Variants in TBPL1 observed in about 807,000 individuals in gnomAD.
The protein encoded by TBPL1 is TATA-box binding protein like 1.
Under a neutral mutation model 22.1 loss-of-function variants are expected in TBPL1, and 4 were observed. That is an observed-to-expected ratio of 0.18 (90% CI 0.09 to 0.41). The LOEUF (loss-of-function observed/expected upper bound fraction) is 0.41. TBPL1 is among the 10% of genes least tolerant of loss of function. The pLI is 1.00. For synonymous variants in TBPL1, 64 were observed against 71.0 expected (o/e 0.90, Z 0.50); for missense variants, 115 against 222.3 (o/e 0.52, Z 3.07).
upstream of TBPL1, chr6:133,952,808 G>T (rs536872115): frequency 2.6e-5 from 4 of 152,298 alleles, no homozygotes; most frequent in Non-Finnish European, 4.4e-5. The surrounding 1 kb of genome is among the most constrained non-coding windows in gnomAD (Gnocchi z 4.5). Flanking sequence ...TGATGAGAAA[G>T]TTCTACGGTT....
intron 1 of TBPL1, among the ~76,000 whole-genome samples, chr6:133,954,483 TCA>T (rs768423746): frequency 1.3e-5 from 2 of 152,214 alleles, no homozygotes; most frequent in Non-Finnish European, 2.9e-5. Context: ...AAAGGATTAT[TCA>T]CAGTTTGGTA....
chr6:133,976,716 G>A (rs896919005), intron 1 of TBPL1, among the ~76,000 whole-genome samples: 17 of 152,202 alleles, frequency 1.1e-4, no homozygotes, highest in African/African-American at 2.6e-4. Context: ...TCGGCCTGGC[G>A]CGGTGGCCCA....
chr6:133,964,077 T>C (rs2114336463), intron 1 of TBPL1, among the ~76,000 whole-genome samples: 1 of 152,180 alleles, frequency 6.6e-6, no homozygotes, highest in African/African-American at 2.4e-5. Flanking sequence ...GAAAACTTCC[T>C]TATCACTCTT....
intron 1 of TBPL1, among the ~76,000 whole-genome samples, chr6:133,958,314 G>C (rs1775961812): frequency 2.6e-5 from 4 of 152,168 alleles, no homozygotes; most frequent in African/African-American, 9.7e-5. Context: ...TTAGTTGATG[G>C]TAAACTTGAA....
chr6:133,953,875 C>T (rs889949797), intron 1 of TBPL1, among the ~76,000 whole-genome samples: 16 of 152,178 alleles, frequency 1.1e-4, no homozygotes, highest in Admixed American at 1.0e-3. Flanking sequence ...AGCGGCTTCT[C>T]TAATAGCTCC....
chr6:133,983,635 C>T (rs985531614), intron 4 of TBPL1, among the ~76,000 whole-genome samples: 3 of 152,040 alleles, frequency 2.0e-5, no homozygotes, highest in Non-Finnish European at 4.4e-5. Context: ...TGCCACTTTG[C>T]GGTTTCCTGG....
At chr6:133,986,695 T>G (rs188286176) in intron 6 of TBPL1, among the ~76,000 whole-genome samples, 2 of 152,318 alleles carry the variant, frequency 1.3e-5, no homozygotes, top group Admixed American at 6.5e-5. Flanking sequence ...GTGCTTTTTA[T>G]ATTAGTCCAT....
intron 1 of TBPL1, among the ~76,000 whole-genome samples, chr6:133,966,258 C>G (rs551636639): frequency 2.0e-5 from 3 of 152,134 alleles, no homozygotes; most frequent in Non-Finnish European, 4.4e-5. Context: ...AAGATTTGAT[C>G]ATGCTTCTGA....
rs1218480734 is a variant in TBPL1, at chr6:133,987,152, T to G, written c.*112T>G. ...TAATTGAGGAAATAGACTCTTTTAT[T>G]CATTCACGGCTACAGTGTAAGCTCC... On this transcript the variant is annotated 3_prime_UTR_variant, in exon 7 of 7. Coordinates refer to ENST00000237264, the MANE Select transcript of TBPL1 (RefSeq NM_004865.4). The G allele has an allele frequency of 1.6e-6, 1 of 634,868 alleles. No individual in the cohort carries two copies. The highest frequency in any genetic ancestry group is 3.0e-5 in the East Asian group (1 of 33,366). 39.3% of individuals were successfully genotyped at this position (634,868 alleles called of 1,614,324 possible). A position where few individuals can be genotyped will look rare whatever the true frequency, so the allele number is the denominator to read the frequency against.
intron 6 of TBPL1, among the ~76,000 whole-genome samples, chr6:133,985,045 T>A (rs1229285119): frequency 6.6e-6 from 1 of 151,690 alleles, no homozygotes; most frequent in Non-Finnish European, 1.5e-5. Context: ...CTTGGAAGGC[T>A]GAGGCGGGCT....
At chr6:133,957,199 G>A (rs898441115) in intron 1 of TBPL1, among the ~76,000 whole-genome samples, 10 of 152,126 alleles carry the variant, frequency 6.6e-5, no homozygotes, top group Admixed American at 2.6e-4. Flanking sequence ...TGATTTCTGG[G>A]GTAGTGGAGA....
Position 133,988,539 on chromosome 6 carries a change from T to TA in TBPL1, c.*1500dup, listed in dbSNP as rs1399300827. The stretch of plus-strand genomic sequence containing the variant: ...ATCTCCATATATAGTACATTTTCCT[T>TA]ACTGTATTATAAAATCTTGAAAACC... On this transcript the variant is annotated 3_prime_UTR_variant, in exon 7 of 7. Coordinates refer to ENST00000237264, the MANE Select transcript of TBPL1 (RefSeq NM_004865.4). 4.6e-5 allele frequency: 7 copies of TA among 152,322 alleles called. No individual in the cohort carries two copies. Among genetic ancestry groups the TA allele is most frequent in the Non-Finnish European group, 1.0e-4 (7 of 68,012 alleles). The allele number at this position is 152,322 out of a possible 1,614,324, so 9.4% of individuals were successfully genotyped here. A position where few individuals can be genotyped will look rare whatever the true frequency, so the allele number is the denominator to read the frequency against.
intron 1 of TBPL1, among the ~76,000 whole-genome samples, chr6:133,964,879 A>G (rs1421621289): frequency 2.0e-5 from 3 of 152,228 alleles, no homozygotes; most frequent in East Asian, 3.8e-4. Flanking sequence ...GGGTAACTCT[A>G]TAAAAACAGT....
At chr6:133,965,743 G>A (rs182775113) in intron 1 of TBPL1, among the ~76,000 whole-genome samples, 32 of 152,008 alleles carry the variant, frequency 2.1e-4, no homozygotes, top group African/African-American at 7.7e-4. Flanking sequence ...TTGCTTTTGT[G>A]TTCCAAAGCT....
intron 1 of TBPL1, among the ~76,000 whole-genome samples, chr6:133,975,925 T>A (rs1444917452): frequency 6.6e-5 from 10 of 152,196 alleles, no homozygotes; most frequent in African/African-American, 2.4e-4. Flanking sequence ...CTTAAATATA[T>A]GGTAGTGCCA....
intron 4 of TBPL1, 29 bp from the exon 5 acceptor site, chr6:133,984,347 A>G (rs749090555): frequency 6.6e-7 from 1 of 1,525,360 alleles, no homozygotes; most frequent in Non-Finnish European, 8.9e-7. Context: ...TTCAAAATAA[A>G]TTTATTGAAT....
At chr6:133,963,769 G>A (rs907402126) in intron 1 of TBPL1, among the ~76,000 whole-genome samples, 4 of 151,434 alleles carry the variant, frequency 2.6e-5, no homozygotes, top group African/African-American at 4.8e-5. Context: ...GGTGGCTCAC[G>A]CCTGTAATCC....
intron 4 of TBPL1, 77 bp downstream of exon 4, chr6:133,982,957 C>A: frequency 1.5e-6 from 2 of 1,330,202 alleles, no homozygotes; most frequent in Non-Finnish European, 2.1e-6. Context: ...GTAATAGACT[C>A]AAGAAATCAC....
chr6:133,987,040 A>G lies in TBPL1; in HGVS notation c.561A>G (p.Ter187=), dbSNP rs1303608503. 17 of 1,607,554 alleles carry G rather than the reference A, an allele frequency of 1.1e-5. No homozygotes were observed. Among genetic ancestry groups the G allele is most frequent in the African/African-American group, 1.3e-5 (1 of 74,784 alleles). Residue 187 remains the stop codon, a stop_retained_variant, in exon 7 of 7, where the codon TAA becomes TAG. Coordinates refer to ENST00000237264, the MANE Select transcript of TBPL1 (RefSeq NM_004865.4). ...TTGAAAGCAGGAAAGAAATTTTATA[A>G]TTCACCACTTAATTGGTTAGAATCT... ...FVFESRKEIL[*] is the part of the protein sequence containing the mutation.
Sources: allele counts gnomAD v4.1 joint callset (sites outside exome capture counted in the v4.1 genomes callset), GRCh38; gene constraint gnomAD v4.1.1; non-coding constraint Gnocchi (gnomAD v3.1); transcripts MANE v1.5; gene names NCBI Gene and HGNC (gene_info 2026-07-23, HGNC 2026-07-21).